Variants in ZNF362 observed in about 807,000 individuals in gnomAD.
ZNF362 encodes the protein rotund homolog.
In ZNF362, 11 loss-of-function variants were observed where a neutral mutation model predicts 42.9. That is an observed-to-expected ratio of 0.26 (90% confidence interval 0.16 to 0.42). ZNF362 has a LOEUF of 0.42. Ranked by LOEUF, ZNF362 falls within the 20% of genes least tolerant of loss-of-function variation. The probability of loss-of-function intolerance (pLI) is 1.00; values close to 1 mark genes in which losing one functional copy is unlikely to be tolerated. For synonymous variants in ZNF362, 255 were observed against 257.3 expected (o/e 0.99, Z 0.09); for missense variants, 362 against 576.2 (o/e 0.63, Z 3.81).
the ZNF362 span, chr1:33,145,726 C>T: frequency 2.6e-6 from 1 of 378,424 alleles, no homozygotes; most frequent in Non-Finnish European, 5.4e-6. Context: ...CCAGTTCCCA[C>T]CTCTGGGCAG....
the ZNF362 span, among the ~76,000 whole-genome samples, chr1:33,236,123 C>T: frequency 5.6e-3 from 858 of 152,116 alleles, 19 homozygotes; most frequent in East Asian, 0.083. Context: ...AGGACGGGCT[C>T]ATAGTAATAC....
chr1:33,218,847 G>C, the ZNF362 span, among the ~76,000 whole-genome samples: 1 of 151,706 alleles, frequency 6.6e-6, no homozygotes, highest in Admixed American at 6.6e-5. Flanking sequence ...GATTGGAACA[G>C]TTCTGCCTCT....
the ZNF362 span, chr1:33,176,322 C>A: frequency 1.6e-6 from 1 of 612,912 alleles, no homozygotes; most frequent in South Asian, 1.7e-5. Context: ...TGGAAGAAAC[C>A]AGAGCCGAAA....
chr1:33,229,499 C>T, the ZNF362 span, among the ~76,000 whole-genome samples: 16 of 151,656 alleles, frequency 1.1e-4, no homozygotes, highest in African/African-American at 2.4e-4. Context: ...CTCCACCTCC[C>T]GGGTTCAAGT....
the ZNF362 span, among the ~76,000 whole-genome samples, chr1:33,141,581 A>G: frequency 6.6e-6 from 1 of 152,306 alleles, no homozygotes; most frequent in South Asian, 2.1e-4. Flanking sequence ...GCTTCCTGAA[A>G]GCCCTTCCCC....
intron 2 of ZNF362, among the ~76,000 whole-genome samples, chr1:33,272,069 G>T (rs1018274092): frequency 6.6e-6 from 1 of 152,176 alleles, no homozygotes; most frequent in African/African-American, 2.4e-5. Context: ...CTGTCCTGAG[G>T]AGCTGAATTG....
the ZNF362 span, among the ~76,000 whole-genome samples, chr1:33,207,493 A>G: frequency 3.3e-5 from 5 of 152,294 alleles, no homozygotes; most frequent in East Asian, 9.6e-4. Flanking sequence ...GTCAAATGGT[A>G]TTTCTAGTTC....
At chr1:33,168,531 A>C in the ZNF362 span, among the ~76,000 whole-genome samples, 1 of 152,136 alleles carries the variant, frequency 6.6e-6, no homozygotes, top group African/African-American at 2.4e-5. Flanking sequence ...AGCCAGTGCA[A>C]CCTGCCGCAG....
chr1:33,149,826 T>G, the ZNF362 span, among the ~76,000 whole-genome samples: 1 of 152,220 alleles, frequency 6.6e-6, no homozygotes, highest in Admixed American at 6.5e-5. Context: ...CATTTTGCCC[T>G]ATTTCCCCAT....
At chr1:33,263,662 T>C (rs560116267) in intron 1 of ZNF362, among the ~76,000 whole-genome samples, 58 of 152,262 alleles carry the variant, frequency 3.8e-4, no homozygotes, top group African/African-American at 1.3e-3. Flanking sequence ...CCACCCACTT[T>C]GGCCTCCCAA....
Position 33,280,005 on chromosome 1 carries a change from G to A in ZNF362, c.350-119G>A. 1 of 1,222,208 alleles carries A rather than the reference G, an allele frequency of 8.2e-7. No individual in the cohort carries two copies. The allele number at this position is 1,222,208 out of a possible 1,614,324, so 75.7% of individuals were successfully genotyped here. The stretch of plus-strand genomic sequence containing the variant: ...ACAAGGTCTCATTTAGTTACCCCTG[G>A]GTAATAACTTATGAACGTTAAGGGG... On this transcript the variant is annotated intron_variant, in intron 4 of 8. Transcript: ENST00000539719. This position sits in a 1 kb window ranked among gnomAD's most constrained non-coding sequence, Gnocchi z 5.6.
At chr1:33,242,141 C>T in the ZNF362 span, among the ~76,000 whole-genome samples, 1 of 152,086 alleles carries the variant, frequency 6.6e-6, no homozygotes. Context: ...TGCAGCAAGC[C>T]ACTGAGTATG....
chr1:33,205,002 GAAATT>G, the ZNF362 span, among the ~76,000 whole-genome samples: 1 of 152,212 alleles, frequency 6.6e-6, no homozygotes, highest in Non-Finnish European at 1.5e-5. Flanking sequence ...ATTGCTGAGA[GAAATT>G]AAAGACTCAA....
the ZNF362 span, chr1:33,181,324 C>G: frequency 6.4e-7 from 1 of 1,573,092 alleles, no homozygotes; most frequent in South Asian, 1.2e-5. The surrounding 1 kb of genome is among the most constrained non-coding windows in gnomAD (Gnocchi z 6.5). Context: ...ACCCAGTGCT[C>G]CGTGATGCAG....
At chr1:33,255,989 A>G (rs1295855229), upstream of ZNF362, among the ~76,000 whole-genome samples, 1 of 151,538 alleles carries the variant, frequency 6.6e-6, no homozygotes, top group Non-Finnish European at 1.5e-5. Context: ...GGGCCTGGGC[A>G]GGACAATGGC....
chr1:33,149,731 A>G, the ZNF362 span, among the ~76,000 whole-genome samples: 1 of 152,198 alleles, frequency 6.6e-6, no homozygotes, highest in Non-Finnish European at 1.5e-5. Flanking sequence ...CTGGGATTAT[A>G]GGTGTGAGCC....
In ZNF362 at chr1:33,281,847, C is replaced by T. The variant is rs1645996918; in HGVS notation, c.908+36C>T. 1.2e-6 allele frequency: 2 copies of T among 1,605,682 alleles called. No homozygotes were observed. Among genetic ancestry groups the T allele is most frequent in the African/African-American group, 1.3e-5 (1 of 74,802 alleles). Reference sequence around the variant, plus strand: ...TGCCTGCTGCCCTGCTGCAGCCCGACTCAGCTCAGCACCCGTGGCCTGGCA... The same window carrying T: ...TGCCTGCTGCCCTGCTGCAGCCCGATTCAGCTCAGCACCCGTGGCCTGGCA... On this transcript the variant is annotated intron_variant, in intron 6 of 8. Coordinates refer to ENST00000539719, the MANE Select transcript of ZNF362 (RefSeq NM_152493.3). The surrounding 1 kb of genome is among the most constrained non-coding windows in gnomAD (Gnocchi z 4.8).
the ZNF362 span, among the ~76,000 whole-genome samples, chr1:33,247,269 G>A: frequency 2.6e-5 from 4 of 152,322 alleles, no homozygotes; most frequent in African/African-American, 9.6e-5. Context: ...TATGCTCAGG[G>A]CAGGTCAAGT....
intron 8 of ZNF362, 150 bp downstream of exon 8, chr1:33,295,455 A>T (rs1646114965): frequency 1.8e-6 from 2 of 1,086,876 alleles, no homozygotes; most frequent in Non-Finnish European, 1.3e-6. Flanking sequence ...CTGAGATCAC[A>T]GGGAAGGGGA....
Sources: gnomAD v4.1 joint callset for allele counts (sites outside exome capture counted in the v4.1 genomes callset) on GRCh38, gnomAD v4.1.1 for gene constraint, Gnocchi (gnomAD v3.1) non-coding constraint, MANE v1.5 for transcripts, NCBI Gene and HGNC (gene_info 2026-07-23, HGNC 2026-07-21) for gene names.